STN1: variants seen among roughly 807,000 people sequenced by gnomAD.
STN1 encodes CST complex subunit STN1.
A neutral mutation model predicts 45.5 loss-of-function variants in STN1; 29 were observed. The observed-to-expected ratio is 0.64, with a 90% CI of 0.47 to 0.87. STN1 has a LOEUF of 0.87. STN1 is among the 40% of genes least tolerant of loss of function. STN1 has a pLI of 0.00. For missense variants in STN1, 376 were observed against 441.4 expected (o/e 0.85, Z 1.33); for synonymous variants, 148 against 159.0 (o/e 0.93, Z 0.52).
chr10:103,917,437 C>A, intron 2 of STN1, 25 bp downstream of exon 2: 1 of 1,606,574 alleles, frequency 6.2e-7, no homozygotes, highest in Non-Finnish European at 8.5e-7. Flanking sequence ...CAGCCCAGGG[C>A]ATCCCAGGGT....
intron 9 of STN1, 146 bp from the exon 10 acceptor site, chr10:103,882,987 G>T: frequency 1.3e-6 from 1 of 782,024 alleles, no homozygotes. Context: ...TGATCTACCT[G>T]ATCACAAAAA....
intron 4 of STN1, among the ~76,000 whole-genome samples, chr10:103,901,897 C>T (rs2134368213): frequency 6.6e-6 from 1 of 152,238 alleles, no homozygotes; most frequent in East Asian, 1.9e-4. Flanking sequence ...CATGCAGGCT[C>T]ACAACTCCTA....
chr10:103,896,839 C>T (rs1564632925), intron 7 of STN1, among the ~76,000 whole-genome samples: 1 of 151,764 alleles, frequency 6.6e-6, no homozygotes, highest in Non-Finnish European at 1.5e-5. Context: ...CCTGGCCCCT[C>T]GTTACTTAAT....
Position 103,905,174 on chromosome 10 carries a change from A to C in STN1, c.230-18T>G. On this transcript the variant is annotated intron_variant, in intron 3 of 9. Coordinates refer to ENST00000224950, the MANE Select transcript of STN1 (RefSeq NM_024928.5). Reference sequence around the variant, plus strand: ...GTCATCCACTGCAAGAGAAAAGCAAAAGGGTATAAGAGAGATTTGGGCAAG... The same window carrying C: ...GTCATCCACTGCAAGAGAAAAGCAACAGGGTATAAGAGAGATTTGGGCAAG... The C allele has an allele frequency of 1.2e-6, 2 of 1,611,968 alleles. No individual in the cohort carries two copies. Among genetic ancestry groups the C allele is most frequent in the Non-Finnish European group, 1.7e-6 (2 of 1,178,038 alleles).
At chr10:103,914,377 T>A (rs1843314279) in intron 2 of STN1, among the ~76,000 whole-genome samples, 1 of 132,206 alleles carries the variant, frequency 7.6e-6, no homozygotes, top group Non-Finnish European at 1.6e-5. Context: ...TATATATATT[T>A]TTTTTTTTTT....
chr10:103,894,964 A>G (rs1006696319), intron 7 of STN1, among the ~76,000 whole-genome samples: 1 of 152,194 alleles, frequency 6.6e-6, no homozygotes, highest in African/African-American at 2.4e-5. Context: ...CCTCTAAACT[A>G]TAACACCATC....
At chr10:103,899,600 T>A (rs1319438659) in intron 5 of STN1, among the ~76,000 whole-genome samples, 1 of 149,052 alleles carries the variant, frequency 6.7e-6, no homozygotes, top group African/African-American at 2.6e-5. Context: ...GGTGGGAGAA[T>A]CTCCTGAGCC....
chr10:103,899,486 G>C (rs1843192670), intron 5 of STN1, among the ~76,000 whole-genome samples: 1 of 152,206 alleles, frequency 6.6e-6, no homozygotes, highest in Non-Finnish European at 1.5e-5. Flanking sequence ...CTTGAGCTCA[G>C]AAATTTGAGA....
intron 1 of STN1, 52 bp from the exon 2 acceptor site, chr10:103,917,708 G>A (rs1843343704): frequency 8.1e-7 from 1 of 1,240,646 alleles, no homozygotes; most frequent in Non-Finnish European, 1.1e-6. Flanking sequence ...GGGTCAAAGT[G>A]GCACGGCCCT....
At chr10:103,891,121 CTTCTT>C (rs1366306993) in intron 8 of STN1, among the ~76,000 whole-genome samples, 2 of 152,214 alleles carry the variant, frequency 1.3e-5, no homozygotes, top group Admixed American at 1.3e-4. Context: ...TCCAGCAGCT[CTTCTT>C]TTAAGAGTCA....
intron 6 of STN1, 45 bp downstream of exon 6, chr10:103,898,832 T>G (rs1375341510): frequency 3.1e-6 from 5 of 1,609,680 alleles, no homozygotes; most frequent in Non-Finnish European, 4.2e-6. Flanking sequence ...CTGCTTCAGT[T>G]TTCTGCCGTG....
intron 7 of STN1, among the ~76,000 whole-genome samples, chr10:103,895,201 TC>T (rs1266375511): frequency 6.6e-6 from 1 of 152,242 alleles, no homozygotes; most frequent in Non-Finnish European, 1.5e-5. Flanking sequence ...CATATTCGAT[TC>T]TTTTTAAACA....
chr10:103,882,673 C>T lies in STN1; in HGVS notation c.*11G>A, dbSNP rs202000409. 45 of 1,596,864 alleles carry T rather than the reference C, an allele frequency of 2.8e-5. No homozygotes were observed. Among genetic ancestry groups the T allele is most frequent in the African/African-American group, 2.0e-4 (15 of 74,706 alleles). ...ATCTTTGTCCTCCTCAGCTGGTCTG[C>T]GTGTCTCTGCTCAGAACGCTGTGTA... On this transcript the variant is annotated 3_prime_UTR_variant, in exon 10 of 10. Coordinates refer to ENST00000224950, the MANE Select transcript of STN1 (RefSeq NM_024928.5).
intron 7 of STN1, among the ~76,000 whole-genome samples, chr10:103,892,840 T>C (rs567543646): frequency 6.6e-6 from 1 of 152,274 alleles, no homozygotes; most frequent in Non-Finnish European, 1.5e-5. Context: ...CTGTCAGCTC[T>C]CCCCCTCACT....
intron 5 of STN1, among the ~76,000 whole-genome samples, chr10:103,899,399 T>C (rs1843192215): frequency 6.6e-6 from 1 of 152,234 alleles, no homozygotes; most frequent in African/African-American, 2.4e-5. Context: ...CTTAATGGTA[T>C]TCAAGAAATT....
At chr10:103,914,374 A>ATATATTTTT (rs1554837551) in intron 2 of STN1, among the ~76,000 whole-genome samples, 19 of 97,364 alleles carry the variant, frequency 2.0e-4, no homozygotes, top group African/African-American at 8.3e-4. Context: ...ATATATATAT[A>ATATATTTTT]TTTTTTTTTT....
rs536298962 is a variant in STN1, at chr10:103,917,304, T to C, written c.133+158A>G. ...AAAGATTTAGACTGTTTTTTTTACCTTGCAAATAAATGAACTCATGCGAAG... is the reference window on the plus strand; with the variant it reads ...AAAGATTTAGACTGTTTTTTTTACCCTGCAAATAAATGAACTCATGCGAAG... On this transcript the variant is annotated intron_variant, in intron 2 of 9. Coordinates refer to ENST00000224950, the MANE Select transcript of STN1 (RefSeq NM_024928.5). Among the ~76,000 whole-genome samples, 16 of 151,274 alleles carry C rather than the reference T, an allele frequency of 1.1e-4. No individual in the cohort carries two copies. The South Asian group carries it at 2.9e-3, about 28-fold the overall frequency.
intron 7 of STN1, among the ~76,000 whole-genome samples, chr10:103,894,692 A>T (rs1199578242): frequency 1.3e-5 from 1 of 75,560 alleles, no homozygotes; most frequent in African/African-American, 4.4e-5. Flanking sequence ...GCTCACAGGC[A>T]AAAAAAAAAA....
intron 3 of STN1, among the ~76,000 whole-genome samples, chr10:103,906,197 T>G (rs1202380350): frequency 6.6e-6 from 1 of 152,114 alleles, no homozygotes; most frequent in African/African-American, 2.4e-5. Context: ...GAGAAGAAGA[T>G]ATGGGTGAAT....
Sources: allele counts gnomAD v4.1 joint callset (sites outside exome capture counted in the v4.1 genomes callset), GRCh38; gene constraint gnomAD v4.1.1; transcripts MANE v1.5; gene names NCBI Gene and HGNC (gene_info 2026-07-23, HGNC 2026-07-21).